ODAPH: variants seen among roughly 807,000 people sequenced by gnomAD.
ODAPH encodes the protein amelogenesis imperfecta type IIA4.
In ODAPH, 2 loss-of-function variants were observed where a neutral mutation model predicts 2.8. The ratio of observed to expected loss-of-function variants is 0.72; its 90% CI spans 0.30 to 2.28. The LOEUF is 2.28. Among genes scored for constraint, ODAPH ranks in the 30% most tolerant of loss-of-function variants. ODAPH has a pLI of 0.13. For missense variants in ODAPH, 159 were observed against 163.3 expected (o/e 0.97, Z 0.14); for synonymous variants, 75 against 60.3 (o/e 1.24, Z -1.13).
intron 1 of ODAPH, among the ~76,000 whole-genome samples, chr4:75,563,873 C>T (rs1025735719): frequency 5.9e-5 from 9 of 152,146 alleles, no homozygotes; most frequent in Admixed American, 2.0e-4. Context: ...TGTGAACACC[C>T]CGAACAAGTC....
rs1158057974 is a variant in ODAPH at position 75,564,444 on chromosome 4, G to A, written c.*5G>A. ...AGCTCATCTGAGGAAAGCTGAGAGG[G>A]AAGAGAAACCCAAACATACTGAAGC... On this transcript the variant is annotated 3_prime_UTR_variant, in exon 2 of 2. Coordinates refer to ENST00000311623, the MANE Select transcript of ODAPH (RefSeq NM_178497.5). 1.2e-6 allele frequency: 2 copies of A among 1,613,960 alleles called. No individual in the cohort carries two copies. Among genetic ancestry groups the A allele is most frequent in the Non-Finnish European group, 1.7e-6 (2 of 1,180,034 alleles).
At chr4:75,561,674 C>A (rs1219050204) in intron 1 of ODAPH, among the ~76,000 whole-genome samples, 1 of 152,044 alleles carries the variant, frequency 6.6e-6, no homozygotes, top group Non-Finnish European at 1.5e-5. Flanking sequence ...TGGGGAAACC[C>A]CATCTCTACT....
At position 75,564,280 on chromosome 4, in the gene ODAPH, G is replaced by T; in HGVS notation, c.234G>T (p.Arg78Ser). The T allele has an allele frequency of 6.2e-7, 1 of 1,614,108 alleles. No homozygotes were observed. The highest frequency in any genetic ancestry group is 2.2e-5 in the East Asian group (1 of 44,876). Reference protein sequence around the residue: ...PRCPFHFFPRRPRIHFRFPNR... With the variant: ...PRCPFHFFPRSPRIHFRFPNR... ...GTCCCTTCCATTTTTTTCCACGAAGGCCCAGAATCCATTTTAGGTTTCCAA... is the reference window on the plus strand; with the variant it reads ...GTCCCTTCCATTTTTTTCCACGAAGTCCCAGAATCCATTTTAGGTTTCCAA... Residue 78 changes from arginine to serine, a missense_variant, in exon 2 of 2, where the codon AGG becomes AGT. Arg to Ser is a moderately radical substitution (Grantham distance 110, BLOSUM62 -1). Transcript: ENST00000311623.
At chr4:75,562,881 G>A (rs940610028) in intron 1 of ODAPH, among the ~76,000 whole-genome samples, 1 of 151,754 alleles carries the variant, frequency 6.6e-6, no homozygotes, top group African/African-American at 2.4e-5. Context: ...TTATTTCACT[G>A]CTTGGGCAGT....
At position 75,564,134 on chromosome 4, in the gene ODAPH, C is replaced by T. The variant is rs749452933; in HGVS notation, c.88C>T (p.Pro30Ser). 5.7e-5 allele frequency: 92 copies of T among 1,614,050 alleles called. No individual in the cohort carries two copies. The highest frequency in any genetic ancestry group is 7.8e-5 in the Non-Finnish European group (92 of 1,180,036). The change falls in exon 2 of 2, where the codon CCT becomes TCT. Residue 30 changes from proline to serine, a missense_variant. By Grantham distance (74) the Pro-to-Ser change is moderately conservative. Coordinates refer to ENST00000311623, the MANE Select transcript of ODAPH (RefSeq NM_178497.5). ...CACAGGACAAGAAGAGGTATTTACG[C>T]CTCCTGGAGATTCACAAAATAATGC... is the stretch of plus-strand genomic sequence containing the variant. ...VAEGQEEVFT[P>S]PGDSQNNADA...
rs1267967957 is a variant in ODAPH at position 75,564,312 on chromosome 4, C to A, written c.266C>A (p.Pro89His). 6.2e-7 allele frequency: 1 copy of A among 1,614,034 alleles called. No individual in the cohort carries two copies. The highest frequency in any genetic ancestry group is 8.5e-7 in the Non-Finnish European group (1 of 1,180,022). ...ATCCATTTTAGGTTTCCAAACAGAC[C>A]TTTCGTCCCTTCAAGGTGTAACCAC... ...PRIHFRFPNR[P>H]FVPSRCNHRF... Residue 89 changes from proline to histidine, a missense_variant, in exon 2 of 2, where the codon CCT (proline) becomes CAT (histidine). Pro to His is a moderately conservative substitution (Grantham distance 77). Coordinates refer to ENST00000311623, the MANE Select transcript of ODAPH (RefSeq NM_178497.5).
intron 1 of ODAPH, among the ~76,000 whole-genome samples, chr4:75,561,431 G>T (rs1261604319): frequency 6.6e-6 from 1 of 152,086 alleles, no homozygotes; most frequent in Admixed American, 6.6e-5. Flanking sequence ...GAAGGGGTTG[G>T]TATTTTGTTC....
At chr4:75,562,959 A>C (rs1727641519) in intron 1 of ODAPH, among the ~76,000 whole-genome samples, 1 of 122,336 alleles carries the variant, frequency 8.2e-6, no homozygotes, top group African/African-American at 3.0e-5. Flanking sequence ...TTTCAGCTGA[A>C]TTTTCTTTAT....
intron 1 of ODAPH, among the ~76,000 whole-genome samples, chr4:75,557,415 A>G (rs1474509499): frequency 6.6e-6 from 1 of 152,178 alleles, no homozygotes; most frequent in Non-Finnish European, 1.5e-5. Context: ...CGAGGTGGGC[A>G]GATCACCTGA....
intron 1 of ODAPH, among the ~76,000 whole-genome samples, chr4:75,560,054 T>G (rs1004223997): frequency 6.6e-6 from 1 of 152,194 alleles, no homozygotes; most frequent in Non-Finnish European, 1.5e-5. Context: ...GCTCTGGGCA[T>G]CTGCAACCAC....
intron 1 of ODAPH, among the ~76,000 whole-genome samples, chr4:75,562,185 G>A (rs1186254922): frequency 2.0e-5 from 3 of 152,098 alleles, no homozygotes; most frequent in Admixed American, 6.5e-5. Flanking sequence ...AGGGTTCGTC[G>A]ATGAAACAGA....
chr4:75,562,948 T>C (rs1368137473), intron 1 of ODAPH, among the ~76,000 whole-genome samples: 1 of 151,878 alleles, frequency 6.6e-6, no homozygotes, highest in African/African-American at 2.4e-5. Context: ...TAAGTTCTTT[T>C]TTTCAGCTGA....
intron 1 of ODAPH, among the ~76,000 whole-genome samples, chr4:75,559,913 G>A (rs1727491606): frequency 6.6e-6 from 1 of 152,196 alleles, no homozygotes; most frequent in South Asian, 2.1e-4. Context: ...TGAGTATGAT[G>A]AAAGTGGACT....
In ODAPH at chr4:75,564,727, T is replaced by C. The variant is rs890833564; in HGVS notation, c.*288T>C. On this transcript the variant is annotated 3_prime_UTR_variant, in exon 2 of 2. Coordinates refer to ENST00000311623, the MANE Select transcript of ODAPH (RefSeq NM_178497.5). Reference sequence around the variant, plus strand: ...AAAATCTTTAAATGGGTGGCTCTAGTAATTCCTATCCATACTAAGATGCTG... The same window carrying C: ...AAAATCTTTAAATGGGTGGCTCTAGCAATTCCTATCCATACTAAGATGCTG... 1 of 588,818 alleles carries C rather than the reference T, an allele frequency of 1.7e-6. No individual in the cohort carries two copies. Among genetic ancestry groups the C allele is most frequent in the African/African-American group, 1.9e-5 (1 of 53,638 alleles). 36.5% of individuals were successfully genotyped at this position (588,818 alleles called of 1,614,324 possible). A position where few individuals can be genotyped will look rare whatever the true frequency, so the allele number is the denominator to read the frequency against.
intron 1 of ODAPH, among the ~76,000 whole-genome samples, chr4:75,563,708 A>G (rs1370530359): frequency 1.3e-5 from 2 of 152,222 alleles, no homozygotes; most frequent in Admixed American, 1.3e-4. Context: ...ATTGCTCAAC[A>G]TTCATGGGAT....
chr4:75,556,746 C>T (rs1727352426), intron 1 of ODAPH, among the ~76,000 whole-genome samples: 2 of 152,044 alleles, frequency 1.3e-5, no homozygotes, highest in Non-Finnish European at 2.9e-5. Context: ...AAAATGTGTC[C>T]TGAGCCTTAC....
At chr4:75,559,933 C>T (rs1384215180) in intron 1 of ODAPH, among the ~76,000 whole-genome samples, 1 of 152,128 alleles carries the variant, frequency 6.6e-6, no homozygotes, top group African/African-American at 2.4e-5. Context: ...TCACAGGGTG[C>T]TAAGAAAGCA....
chr4:75,560,022 A>C (rs1727498737), intron 1 of ODAPH, among the ~76,000 whole-genome samples: 1 of 152,224 alleles, frequency 6.6e-6, no homozygotes, highest in Non-Finnish European at 1.5e-5. Flanking sequence ...AGACTTGAAC[A>C]GGAGTTAGCC....
chr4:75,565,720 A>G (rs1727787827), downstream of ODAPH: 2 of 152,164 alleles, frequency 1.3e-5, no homozygotes, highest in Admixed American at 1.3e-4. Context: ...CCCAAGATCT[A>G]CATGCAAAAG....
Sources: gnomAD v4.1 joint callset for allele counts (sites outside exome capture counted in the v4.1 genomes callset) on GRCh38, gnomAD v4.1.1 for gene constraint, MANE v1.5 for transcripts, NCBI Gene and HGNC (gene_info 2026-07-23, HGNC 2026-07-21) for gene names.